DLGAP2: variants seen among roughly 807,000 people sequenced by gnomAD.
The protein encoded by DLGAP2 is disks large-associated protein 2.
DLGAP2 carries 26 observed loss-of-function variants against 100.3 expected under a neutral mutation model. That is an observed-to-expected ratio of 0.26 (90% CI 0.19 to 0.36). The LOEUF (loss-of-function observed/expected upper bound fraction) is 0.36. DLGAP2 is among the 10% of genes least tolerant of loss of function. The pLI is 1.00. For synonymous variants in DLGAP2, 886 were observed against 630.1 expected (o/e 1.41, Z -6.08); for missense variants, 1,858 against 1,453.2 (o/e 1.28, Z -4.53).
intron 2 of DLGAP2, among the ~76,000 whole-genome samples, chr8:1,027,719 C>T (rs1801848275): frequency 7.4e-6 from 1 of 135,352 alleles, no homozygotes. Flanking sequence ...TGTCAGGCGC[C>T]CGTTATTCTC....
intron 4 of DLGAP2, among the ~76,000 whole-genome samples, chr8:1,514,450 AC>A: frequency 6.6e-6 from 1 of 152,384 alleles, no homozygotes; most frequent in South Asian, 2.1e-4. Flanking sequence ...AAATTCAGCT[AC>A]TGTATCAAGG....
At chr8:1,503,026 G>A (rs1799778207) in intron 4 of DLGAP2, among the ~76,000 whole-genome samples, 1 of 152,288 alleles carries the variant, frequency 6.6e-6, no homozygotes, top group East Asian at 1.9e-4. Flanking sequence ...GGACTCCGTG[G>A]TTGAGAGTTT....
intron 2 of DLGAP2, among the ~76,000 whole-genome samples, chr8:1,172,642 C>A (rs548905816): frequency 1.4e-4 from 22 of 152,214 alleles, no homozygotes; most frequent in African/African-American, 5.3e-4. Flanking sequence ...TTTCATCTTC[C>A]ATCGCTGATA....
chr8:761,643 C>T (rs1328045429), intron 1 of DLGAP2, among the ~76,000 whole-genome samples: 1 of 152,226 alleles, frequency 6.6e-6, no homozygotes, highest in Non-Finnish European at 1.5e-5. Context: ...TGTTTGAAAG[C>T]AGAGACATCA....
At chr8:1,432,536 G>A (rs1389267729) in intron 3 of DLGAP2, among the ~76,000 whole-genome samples, 1 of 152,256 alleles carries the variant, frequency 6.6e-6, no homozygotes, top group Non-Finnish European at 1.5e-5. Context: ...AGACAAAAGA[G>A]ATGGGCGAGG....
chr8:794,974 C>G (rs534433943), intron 1 of DLGAP2, among the ~76,000 whole-genome samples: 14 of 152,286 alleles, frequency 9.2e-5, no homozygotes, highest in Non-Finnish European at 1.9e-4. Flanking sequence ...TCCAGGTGAC[C>G]TTACCTGATA....
chr8:1,306,813 A>G (rs1800502909), intron 3 of DLGAP2, among the ~76,000 whole-genome samples: 1 of 152,202 alleles, frequency 6.6e-6, no homozygotes, highest in Non-Finnish European at 1.5e-5. Flanking sequence ...AGTGTTTTCA[A>G]TAATTTATGT....
chr8:1,569,409 G>A (rs995725632), intron 6 of DLGAP2, among the ~76,000 whole-genome samples: 3 of 152,174 alleles, frequency 2.0e-5, no homozygotes, highest in East Asian at 1.9e-4. Flanking sequence ...TCTGGACAGC[G>A]ACCTGCCTGC....
chr8:755,017 C>G (rs35412259), intron 1 of DLGAP2, among the ~76,000 whole-genome samples: 43,531 of 152,042 alleles, frequency 0.29, 7,666 homozygotes, highest in Non-Finnish European at 0.4. Context: ...TTTGGCATGT[C>G]TGGTGGATAC....
intron 2 of DLGAP2, among the ~76,000 whole-genome samples, chr8:1,135,384 C>A (rs1796383988): frequency 6.6e-6 from 1 of 151,698 alleles, no homozygotes; most frequent in Non-Finnish European, 1.5e-5. Context: ...TGCATCTCGT[C>A]TTAGGGGAAA....
chr8:865,686 C>T (rs964266856), intron 1 of DLGAP2, among the ~76,000 whole-genome samples: 1 of 152,232 alleles, frequency 6.6e-6, no homozygotes, highest in East Asian at 1.9e-4. Context: ...AATGGCCACT[C>T]GCCCTCACAA....
intron 4 of DLGAP2, among the ~76,000 whole-genome samples, chr8:1,509,597 C>T (rs1282230793): frequency 1.3e-5 from 2 of 152,038 alleles, no homozygotes; most frequent in East Asian, 3.9e-4. Context: ...CAGTGCGTGT[C>T]GTGGGTTCTC....
At chr8:1,543,781 C>A (rs1195519853) in intron 4 of DLGAP2, among the ~76,000 whole-genome samples, 1 of 152,216 alleles carries the variant, frequency 6.6e-6, no homozygotes, top group Non-Finnish European at 1.5e-5. Flanking sequence ...CCTACCTCAT[C>A]TTAACCATTA....
chr8:1,070,741 C>T (rs777171077), intron 2 of DLGAP2, among the ~76,000 whole-genome samples: 1 of 152,184 alleles, frequency 6.6e-6, no homozygotes, highest in Admixed American at 6.5e-5. Context: ...TTTCCCTCAG[C>T]TAGTATTTGG....
chr8:1,374,614 C>T (rs1043689058), intron 3 of DLGAP2, among the ~76,000 whole-genome samples: 3 of 152,148 alleles, frequency 2.0e-5, no homozygotes, highest in Non-Finnish European at 2.9e-5. Context: ...ATGTGGCAGA[C>T]GGAGAATCTG....
intron 2 of DLGAP2, among the ~76,000 whole-genome samples, chr8:1,097,576 C>T (rs1349843866): frequency 2.2e-5 from 3 of 138,362 alleles, no homozygotes; most frequent in Non-Finnish European, 4.6e-5. Flanking sequence ...CCGGGGCAGG[C>T]CTTCACCCTC....
chr8:786,607 C>T (rs1821874340), intron 1 of DLGAP2, among the ~76,000 whole-genome samples: 3 of 152,090 alleles, frequency 2.0e-5, no homozygotes, highest in South Asian at 4.2e-4. Flanking sequence ...ACCCAGGAAC[C>T]AGCGGCTCTT....
intron 2 of DLGAP2, among the ~76,000 whole-genome samples, chr8:1,149,846 C>A (rs1236879401): frequency 1.3e-5 from 2 of 152,188 alleles, no homozygotes; most frequent in Non-Finnish European, 2.9e-5. Flanking sequence ...AGGATCACCA[C>A]AGTCATCTCT....
chr8:892,384 C>T (rs748578082), intron 1 of DLGAP2, among the ~76,000 whole-genome samples: 1 of 152,130 alleles, frequency 6.6e-6, no homozygotes. Flanking sequence ...GGAACGAAAT[C>T]CCGACGAGGC....
Sources: gnomAD v4.1 joint callset for allele counts (sites outside exome capture counted in the v4.1 genomes callset) on GRCh38, gnomAD v4.1.1 for gene constraint, MANE v1.5 for transcripts, NCBI Gene and HGNC (gene_info 2026-07-23, HGNC 2026-07-21) for gene names.